ABR: variants seen among roughly 807,000 people sequenced by gnomAD.
The protein encoded by ABR is ABR activator of RhoGEF and GTPase.
In ABR, 35 loss-of-function variants were observed where a neutral mutation model predicts 107.2. The observed-to-expected ratio is 0.33, with a 90% confidence interval of 0.25 to 0.43. ABR has a LOEUF of 0.43. Ranked by LOEUF, ABR falls within the 20% of genes least tolerant of loss-of-function variation. The probability of loss-of-function intolerance (pLI) is 1.00; values close to 1 mark genes in which losing one functional copy is unlikely to be tolerated. For synonymous variants in ABR, 498 were observed against 462.0 expected (o/e 1.08, Z -1.00); for missense variants, 815 against 1,115.2 (o/e 0.73, Z 3.83).
intron 1 of ABR, among the ~76,000 whole-genome samples, chr17:1,174,131 T>C (rs954220345): frequency 2.0e-5 from 3 of 152,138 alleles, no homozygotes; most frequent in African/African-American, 7.2e-5. Context: ...TAACAGCATC[T>C]TCCAGCCAAT....
chr17:1,107,905 T>C (rs1472285610), intron 2 of ABR, among the ~76,000 whole-genome samples: 4 of 152,210 alleles, frequency 2.6e-5, no homozygotes, highest in African/African-American at 7.2e-5. Flanking sequence ...TTTACCTCCA[T>C]TGGCTCCTCC....
intron 16 of ABR, among the ~76,000 whole-genome samples, chr17:1,022,120 A>AAAAAAAAAAAAAAAAAAAAAAAAAAAAC (rs56033950): frequency 8.4e-6 from 1 of 118,388 alleles, no homozygotes; most frequent in African/African-American, 3.7e-5. Flanking sequence ...AAAAAAAAAA[A>AAAAAAAAAAAAAAAAAAAAAAAAAAAAC]AAAAACAGAA....
At chr17:1,007,357 C>G in intron 21 of ABR, 45 bp from the exon 22 acceptor site, 2 of 1,609,610 alleles carry the variant, frequency 1.2e-6, no homozygotes, top group South Asian at 1.1e-5. Flanking sequence ...TCCTCAGCAG[C>G]CACTCGGAGC....
intron 18 of ABR, 32 bp downstream of exon 18, chr17:1,012,656 G>A (rs373742314): frequency 3.8e-5 from 58 of 1,523,576 alleles, no homozygotes; most frequent in Middle Eastern, 1.7e-4. Flanking sequence ...GGGCACCGAC[G>A]CCAGGACTGG....
chr17:1,149,519 G>A (rs1166543629), intron 1 of ABR, among the ~76,000 whole-genome samples: 2 of 151,092 alleles, frequency 1.3e-5, no homozygotes, highest in African/African-American at 4.9e-5. Context: ...CCGGGTTCAA[G>A]AGATTCTCCT....
At chr17:1,028,127 G>C (rs1246078273) in intron 16 of ABR, among the ~76,000 whole-genome samples, 4 of 152,112 alleles carry the variant, frequency 2.6e-5, no homozygotes, top group Non-Finnish European at 4.4e-5. Context: ...GTCTCGCTCT[G>C]TTGCCCAGGC....
At chr17:1,099,263 C>T (rs1335512416) in intron 3 of ABR, among the ~76,000 whole-genome samples, 2 of 149,522 alleles carry the variant, frequency 1.3e-5, no homozygotes, top group Non-Finnish European at 1.5e-5. Context: ...CTAGCAGAGA[C>T]AAGGTTTCAC....
intron 6 of ABR, among the ~76,000 whole-genome samples, chr17:1,074,485 G>T (rs548989497): frequency 6.6e-6 from 1 of 152,344 alleles, no homozygotes; most frequent in South Asian, 2.1e-4. Context: ...ACCCCAGAAT[G>T]GGGGAAGGAG....
chr17:1,139,226 G>GA (rs900145396), intron 1 of ABR, among the ~76,000 whole-genome samples: 15 of 150,746 alleles, frequency 1.0e-4, no homozygotes, highest in African/African-American at 2.9e-4. Flanking sequence ...TTGCTAGGCA[G>GA]AAAAAAAAAG....
chr17:1,211,150 A>AGT lies in ABR; in HGVS notation c.838+17642_838+17643insAC, dbSNP rs1214575273. ...AAAAATTAGCCAGGCGTGGTGGCAG[A>AGT]CGCCCATAGTCCCAGCTACTCAGGA... On this transcript the variant is annotated intron_variant, in intron 1 of 22. Transcript: ENST00000574139. 2.0e-5 allele frequency among the ~76,000 whole-genome samples: 3 copies of AGT among 152,144 alleles called. No homozygotes were observed. The East Asian group carries it at 5.8e-4, about 29-fold the overall frequency.
intron 1 of ABR, among the ~76,000 whole-genome samples, chr17:1,193,183 C>T (rs900829229): frequency 3.9e-5 from 6 of 152,190 alleles, no homozygotes; most frequent in African/African-American, 1.2e-4. Context: ...ACTAATCTAA[C>T]GTGTGGCCTC....
In ABR at chr17:1,007,752, G is replaced by A. The variant is rs572787106; in HGVS notation, c.2343-440C>T. On this transcript the variant is annotated intron_variant, in intron 21 of 22. Transcript: ENST00000302538. ...TAAGTGACTTGCCCAAGGTCACACA[G>A]CCAGCAACTGGTAGAGCTGGGATTT... Among the ~76,000 whole-genome samples the A allele has an allele frequency of 2.0e-5, 3 of 152,372 alleles. No homozygotes were observed. In the East Asian group the frequency reaches 5.8e-4, roughly 29 times the overall value.
intron 1 of ABR, among the ~76,000 whole-genome samples, chr17:1,149,197 G>A (rs542707414): frequency 2.2e-4 from 33 of 151,864 alleles, no homozygotes; most frequent in Admixed American, 1.5e-3. Context: ...GCTACCTAGC[G>A]CCCGGCCTAT....
chr17:1,031,540 CGAGCCCCGCAGCGCCCCCGAGCCCCCA>C, intron 16 of ABR: 10 of 498,398 alleles, frequency 2.0e-5, no homozygotes, highest in East Asian at 1.2e-4. Flanking sequence ...CGCAGCCCCC[CGAGCCCCGCAGCGCCCCCGAGCCCCCA>C]CCCCCCGGAA....
intron 1 of ABR, among the ~76,000 whole-genome samples, chr17:1,169,731 G>A (rs893963316): frequency 3.3e-5 from 5 of 152,292 alleles, no homozygotes; most frequent in African/African-American, 7.2e-5. Context: ...CCTGGGCCTC[G>A]GCAAAGGACC....
intron 1 of ABR, among the ~76,000 whole-genome samples, chr17:1,204,905 T>C (rs531605868): frequency 0.02 from 2,800 of 136,668 alleles, 91 homozygotes; most frequent in African/African-American, 0.071. Context: ...CTTTTTCTTT[T>C]TTTTTTTTTT....
rs2042647814 is a variant in ABR at position 1,200,354 on chromosome 17, T to C, written c.838+28439A>G. 6.6e-6 allele frequency among the ~76,000 whole-genome samples: 1 copy of C among 151,976 alleles called. No individual in the cohort carries two copies. Among genetic ancestry groups the C allele is most frequent in the African/African-American group, 2.4e-5 (1 of 41,360 alleles). The stretch of plus-strand genomic sequence containing the variant: ...GAGTTCAAGACCAGCCTGGGCAACA[T>C]AGCAAGACACTGTCTCCATTAAAAA... On this transcript the variant is annotated intron_variant, in intron 1 of 22. Transcript: ENST00000574139. The surrounding 1 kb of genome is among the most constrained non-coding windows in gnomAD (Gnocchi z 4.1).
chr17:1,074,119 A>G (rs894847529), intron 6 of ABR, among the ~76,000 whole-genome samples: 24 of 148,810 alleles, frequency 1.6e-4, no homozygotes, highest in African/African-American at 5.8e-4. Flanking sequence ...CGCCCCGAAG[A>G]GTCCAGCACA....
At chr17:1,103,065 T>G (rs778709899) in intron 2 of ABR, among the ~76,000 whole-genome samples, 19 of 152,128 alleles carry the variant, frequency 1.2e-4, no homozygotes, top group Non-Finnish European at 1.9e-4. Flanking sequence ...TTTAAGCCCT[T>G]AAGTTTGTGG....
Sources: gnomAD v4.1 joint callset for allele counts (sites outside exome capture counted in the v4.1 genomes callset) on GRCh38, gnomAD v4.1.1 for gene constraint, Gnocchi (gnomAD v3.1) non-coding constraint, MANE v1.5 for transcripts, NCBI Gene and HGNC (gene_info 2026-07-23, HGNC 2026-07-21) for gene names.